The following PIK3CA variants were observed in gnomAD, a reference collection of about 807,000 sequenced individuals.
PIK3CA encodes phosphatidylinositol-4,5-bisphosphate 3-kinase catalytic subunit alpha, also known as phosphatidylinositol 4,5-bisphosphate 3-kinase catalytic subunit alpha isoform.
A neutral mutation model predicts 138.2 loss-of-function variants in PIK3CA; 27 were observed. The observed-to-expected ratio is 0.20, with a 90% confidence interval of 0.14 to 0.27. PIK3CA has a LOEUF of 0.27. Among genes scored for constraint, PIK3CA ranks in the 10% least tolerant of loss-of-function variants. PIK3CA has a pLI of 1.00. For missense variants in PIK3CA, 544 were observed against 1,277.4 expected, an observed-to-expected ratio of 0.43 and a Z score of 8.75; for synonymous variants, 358 against 413.2, an observed-to-expected ratio of 0.87 and a Z score of 1.62.
At chr3:179,187,453 G>C (rs971883940) in intron 1 of PIK3CA, among the ~76,000 whole-genome samples, 27 of 145,272 alleles carry the variant, frequency 1.9e-4, no homozygotes, top group Non-Finnish European at 3.3e-4. Flanking sequence ...CAGGAGAATT[G>C]CTTGAACCCG....
At chr3:179,191,560 T>C (rs1187992452) in intron 1 of PIK3CA, among the ~76,000 whole-genome samples, 2 of 152,246 alleles carry the variant, frequency 1.3e-5, no homozygotes, top group Non-Finnish European at 2.9e-5. Context: ...AATAACTTTC[T>C]TTCTTATTTT....
chr3:179,189,225 A>G lies in PIK3CA; in HGVS notation c.-76-9525A>G, dbSNP rs182450735. ...CAAGACTCCATCTCAAAAAAAAAGT[A>G]AAAATAAAAAAATAAAATTCAAATT... On this transcript the variant is annotated intron_variant, in intron 1 of 20. Coordinates refer to ENST00000263967, the MANE Select transcript of PIK3CA (RefSeq NM_006218.4). Among the ~76,000 whole-genome samples the G allele has an allele frequency of 6.3e-3, 960 of 152,252 alleles. 5 individuals carry two copies. The highest frequency in any genetic ancestry group is 9.6e-3 in the Non-Finnish European group (651 of 68,020).
At position 179,230,475 on chromosome 3, in the gene PIK3CA, C is replaced by T. The variant is rs1725185168; in HGVS notation, c.2936+99C>T. The T allele has an allele frequency of 9.3e-7, 1 of 1,071,242 alleles. No homozygotes were observed. Among genetic ancestry groups the T allele is most frequent in the Admixed American group, 2.6e-5 (1 of 38,312 alleles). 66.4% of individuals were successfully genotyped at this position (1,071,242 alleles called of 1,614,324 possible). ...GCAATTTCAAAATAATAAATGTTGG[C>T]TGGGTGTGGTGGTTCATGCCTGTAA... On this transcript the variant is annotated intron_variant, in intron 20 of 20. Transcript: ENST00000263967. The surrounding 1 kb of genome is among the most constrained non-coding windows in gnomAD (Gnocchi z 5.4).
rs573776032 is a variant in PIK3CA, at chr3:179,176,535, A to G, written c.-76-22215A>G. On this transcript the variant is annotated intron_variant, in intron 1 of 20. Transcript: ENST00000263967. ...TGGTGACACAAAGGTCTGTACTCTG[A>G]TATTTTAAGATCCGAAGTGTATTCT... Among the ~76,000 whole-genome samples the G allele has an allele frequency of 2.6e-5, 4 of 151,554 alleles. No homozygotes were observed. The East Asian group carries it at 5.8e-4, about 22-fold the overall frequency.
intron 1 of PIK3CA, among the ~76,000 whole-genome samples, chr3:179,197,102 G>A (rs139727968): frequency 5.3e-5 from 8 of 151,954 alleles, no homozygotes; most frequent in Non-Finnish European, 1.0e-4. Flanking sequence ...GCAGTGGAGC[G>A]ATCTCGGCTC....
At chr3:179,199,944 C>A (rs1431943386) in intron 3 of PIK3CA, 45 bp downstream of exon 3, 10 of 1,139,700 alleles carry the variant, frequency 8.8e-6, no homozygotes, top group Non-Finnish European at 1.2e-5. Flanking sequence ...ATAGTGCAGT[C>A]TTCTACCTGT....
intron 1 of PIK3CA, among the ~76,000 whole-genome samples, chr3:179,163,785 ATT>A (rs879356909): frequency 6.8e-6 from 1 of 145,992 alleles, no homozygotes. Flanking sequence ...ATATGTAGTG[ATT>A]TTTTTTTTTT....
At chr3:179,232,090 T>C (rs1346083838) in intron 20 of PIK3CA, among the ~76,000 whole-genome samples, 3 of 152,192 alleles carry the variant, frequency 2.0e-5, no homozygotes, top group South Asian at 4.1e-4. Flanking sequence ...TTCTTTCTTT[T>C]GTTATGCAGA....
At chr3:179,161,749 G>A (rs192965865) in intron 1 of PIK3CA, among the ~76,000 whole-genome samples, 1 of 152,130 alleles carries the variant, frequency 6.6e-6, no homozygotes, top group Non-Finnish European at 1.5e-5. Context: ...CACAGGACCA[G>A]ATGTTTTGAG....
At chr3:179,195,029 A>C (rs1017585749) in intron 1 of PIK3CA, among the ~76,000 whole-genome samples, 22 of 151,712 alleles carry the variant, frequency 1.5e-4, no homozygotes, top group Non-Finnish European at 2.6e-4. Context: ...AAAAAAAAAA[A>C]ACACAGGGTA....
chr3:179,184,035 C>T (rs951338829), intron 1 of PIK3CA, among the ~76,000 whole-genome samples: 2 of 152,204 alleles, frequency 1.3e-5, no homozygotes, highest in Non-Finnish European at 2.9e-5. Context: ...TTTCACAGCA[C>T]ATACTACTAA....
intron 1 of PIK3CA, among the ~76,000 whole-genome samples, chr3:179,151,170 A>G (rs995342088): frequency 3.3e-5 from 5 of 152,224 alleles, no homozygotes; most frequent in East Asian, 1.9e-4. Flanking sequence ...ACAGTTATCA[A>G]ATAGTTTTTC....
At chr3:179,182,987 T>A (rs932711779) in intron 1 of PIK3CA, among the ~76,000 whole-genome samples, 60 of 152,310 alleles carry the variant, frequency 3.9e-4, no homozygotes, top group African/African-American at 1.4e-3. Flanking sequence ...TCATAGAACT[T>A]GTCTTCACAT....
Position 179,180,449 on chromosome 3 carries a change from A to G in PIK3CA, c.-76-18301A>G, listed in dbSNP as rs540500949. Among the ~76,000 whole-genome samples the G allele has an allele frequency of 2.0e-5, 3 of 152,172 alleles. No individual in the cohort carries two copies. In the South Asian group the frequency reaches 6.2e-4, roughly 32 times the overall value. On this transcript the variant is annotated intron_variant, in intron 1 of 20. Transcript: ENST00000263967. ...CACCCATCCCTTTGCTTCAGCTGCT[A>G]GTGTCTTAATAGAAGGTAATTGCTT...
In PIK3CA at chr3:179,220,742, G is replaced by C. The variant is rs1205661852; in HGVS notation, c.2016-244G>C. On this transcript the variant is annotated intron_variant, in intron 13 of 20. Coordinates refer to ENST00000263967, the MANE Select transcript of PIK3CA (RefSeq NM_006218.4). The surrounding 1 kb of genome is among the most constrained non-coding windows in gnomAD (Gnocchi z 4.1). ...GTTTTTATATCTTGTACTGAGATTA[G>C]TCAATGAAAACTAGTTGAAATAAAC... Among the ~76,000 whole-genome samples the C allele has an allele frequency of 6.6e-6, 1 of 151,968 alleles. No homozygotes were observed. The highest frequency in any genetic ancestry group is 1.5e-5 in the Non-Finnish European group (1 of 68,000).
chr3:179,194,689 C>T (rs112781260), intron 1 of PIK3CA, among the ~76,000 whole-genome samples: 4 of 152,194 alleles, frequency 2.6e-5, no homozygotes, highest in African/African-American at 9.6e-5. Context: ...AGGAACAGGC[C>T]GCATTCTTTC....
chr3:179,166,845 C>G (rs1046312380), intron 1 of PIK3CA, among the ~76,000 whole-genome samples: 2 of 152,036 alleles, frequency 1.3e-5, no homozygotes, highest in Non-Finnish European at 2.9e-5. Context: ...AAATTCAGAT[C>G]CAGTATGCCA....
At chr3:179,226,488 A>G (rs768584183) in intron 17 of PIK3CA, among the ~76,000 whole-genome samples, 2 of 152,124 alleles carry the variant, frequency 1.3e-5, no homozygotes, top group Non-Finnish European at 2.9e-5. Flanking sequence ...ACTTTCCACA[A>G]TATCAGTATT....
intron 1 of PIK3CA, among the ~76,000 whole-genome samples, chr3:179,197,775 A>G (rs1326175355): frequency 1.3e-5 from 2 of 152,120 alleles, no homozygotes; most frequent in East Asian, 1.9e-4. Context: ...ATACTCTTAC[A>G]GTTTCGCTCA....
Sources: gnomAD v4.1 joint callset for allele counts (sites outside exome capture counted in the v4.1 genomes callset) on GRCh38, gnomAD v4.1.1 for gene constraint, Gnocchi (gnomAD v3.1) non-coding constraint, MANE v1.5 for transcripts, NCBI Gene and HGNC (gene_info 2026-07-23, HGNC 2026-07-21) for gene names.